The following CACNG2 variants were observed in gnomAD, a reference collection of about 807,000 sequenced individuals.
CACNG2 encodes the protein calcium voltage-gated channel auxiliary subunit gamma 2, also known as voltage-dependent calcium channel gamma-2 subunit.
A neutral mutation model predicts 25.9 loss-of-function variants in CACNG2; 3 were observed. The ratio of observed to expected loss-of-function variants is 0.12; its 90% CI spans 0.05 to 0.30. CACNG2 has a LOEUF of 0.30. Among genes scored for constraint, CACNG2 ranks in the 10% least tolerant of loss-of-function variants. CACNG2 has a pLI of 1.00. For missense variants in CACNG2, 341 were observed against 432.5 expected (o/e 0.79, Z 1.88); for synonymous variants, 167 against 173.3 (o/e 0.96, Z 0.29).
intron 1 of CACNG2, among the ~76,000 whole-genome samples, chr22:36,701,432 C>T (rs891143683): frequency 2.0e-5 from 3 of 152,218 alleles, no homozygotes; most frequent in African/African-American, 4.8e-5. Context: ...GCCTTTACAC[C>T]GTGGCGGCTC....
At chr22:36,585,690 AC>A (rs1372797862) in intron 2 of CACNG2, among the ~76,000 whole-genome samples, 2 of 152,190 alleles carry the variant, frequency 1.3e-5, no homozygotes, top group Non-Finnish European at 2.9e-5. Flanking sequence ...AAGTTTGCCG[AC>A]CCCTGCTACA....
chr22:36,591,180 GCGCCC>G (rs1382644837), intron 1 of CACNG2, among the ~76,000 whole-genome samples: 1 of 151,664 alleles, frequency 6.6e-6, no homozygotes, highest in Non-Finnish European at 1.5e-5. Context: ...GGAACTACAG[GCGCCC>G]GCCACTACGC....
intron 2 of CACNG2, among the ~76,000 whole-genome samples, chr22:36,573,339 T>C (rs899706458): frequency 2.6e-5 from 4 of 152,168 alleles, no homozygotes; most frequent in African/African-American, 9.7e-5. Context: ...ATTATTATTA[T>C]TATTTTTTTG....
chr22:36,647,596 CA>C (rs34930900), intron 1 of CACNG2, among the ~76,000 whole-genome samples: 1,566 of 149,392 alleles, frequency 0.01, 11 homozygotes, highest in Non-Finnish European at 0.016. Context: ...AACTCCATAT[CA>C]AAAAAAAAAT....
At chr22:36,632,012 T>C (rs1936280121) in intron 1 of CACNG2, among the ~76,000 whole-genome samples, 1 of 151,910 alleles carries the variant, frequency 6.6e-6, no homozygotes. Flanking sequence ...AGAAGTGGAG[T>C]AATGAAAGGA....
chr22:36,646,757 C>T (rs1601434306), intron 1 of CACNG2, among the ~76,000 whole-genome samples: 1 of 151,552 alleles, frequency 6.6e-6, no homozygotes. Flanking sequence ...GGGCTCCCCA[C>T]AACCCCACCC....
chr22:36,674,132 C>T (rs1936992298), intron 1 of CACNG2, among the ~76,000 whole-genome samples: 1 of 152,188 alleles, frequency 6.6e-6, no homozygotes, highest in African/African-American at 2.4e-5. Flanking sequence ...CTGAAGGCTG[C>T]AGGATGATGC....
chr22:36,658,570 T>A (rs182969254), intron 1 of CACNG2, among the ~76,000 whole-genome samples: 1 of 152,204 alleles, frequency 6.6e-6, no homozygotes, highest in East Asian at 1.9e-4. Context: ...AGTGTTGGGG[T>A]GGGATTTAAG....
At chr22:36,623,792 G>A (rs1020706769) in intron 1 of CACNG2, among the ~76,000 whole-genome samples, 1 of 152,050 alleles carries the variant, frequency 6.6e-6, no homozygotes, top group Non-Finnish European at 1.5e-5. Context: ...ACATTTGTGG[G>A]CCAGTGTGCA....
intron 1 of CACNG2, among the ~76,000 whole-genome samples, chr22:36,684,230 T>C (rs574546856): frequency 1.8e-3 from 274 of 152,340 alleles, no homozygotes; most frequent in Non-Finnish European, 3.3e-3. Flanking sequence ...TTTGAAGGCA[T>C]GTTAAAAATA....
intron 1 of CACNG2, among the ~76,000 whole-genome samples, chr22:36,627,329 G>A (rs1019143533): frequency 6.6e-6 from 1 of 151,302 alleles, no homozygotes; most frequent in Non-Finnish European, 1.5e-5. Context: ...TGTAGAGGGA[G>A]AGAAAATGAA....
chr22:36,619,879 C>T (rs1483648823), intron 1 of CACNG2, among the ~76,000 whole-genome samples: 3 of 152,242 alleles, frequency 2.0e-5, no homozygotes, highest in South Asian at 2.1e-4. Flanking sequence ...ATGCCACTCT[C>T]GTGGCAGCTG....
chr22:36,646,375 C>T (rs1936524542), intron 1 of CACNG2, among the ~76,000 whole-genome samples: 1 of 152,140 alleles, frequency 6.6e-6, no homozygotes, highest in Non-Finnish European at 1.5e-5. Context: ...GAACACAAGA[C>T]CTTGTCTGCG....
At chr22:36,654,966 G>C (rs1261274434) in intron 1 of CACNG2, among the ~76,000 whole-genome samples, 2 of 152,066 alleles carry the variant, frequency 1.3e-5, no homozygotes, top group Middle Eastern at 3.2e-3. Flanking sequence ...TTAAAAAAAA[G>C]GGAAAAGATG....
rs1408119673 is a variant in CACNG2 at position 36,606,118 on chromosome 22, T to G, written c.212-18570A>C. ...AGTACTTCAGCTCGTCCTTGAATTT[T>G]TATCAAGTGGTTACTAGGTGTTGGT... On this transcript the variant is annotated intron_variant, in intron 1 of 3. Transcript: ENST00000300105. The surrounding 1 kb of genome is among the most constrained non-coding windows in gnomAD (Gnocchi z 5.7). Among the ~76,000 whole-genome samples, 3 of 152,194 alleles carry G rather than the reference T, an allele frequency of 2.0e-5. No homozygotes were observed. Among genetic ancestry groups the G allele is most frequent in the African/African-American group, 7.2e-5 (3 of 41,448 alleles).
intron 3 of CACNG2, among the ~76,000 whole-genome samples, chr22:36,565,699 A>G (rs1302473383): frequency 2.0e-5 from 3 of 152,206 alleles, no homozygotes; most frequent in Non-Finnish European, 4.4e-5. Flanking sequence ...TGTGTTGCCC[A>G]GGCTGGTCTC....
At position 36,703,238 on chromosome 22, in the gene CACNG2, A is replaced by AGCAGCG; in HGVS notation, c.-663_-662insCGCTGC. ...TCGCTTTCCATGGTTTTGCCCGGGC[A>AGCAGCG]GCGGCGGCGGCGGCGGCGGCGGCGG... is the stretch of plus-strand genomic sequence containing the variant. On this transcript the variant is annotated 5_prime_UTR_variant, in exon 1 of 4. Coordinates refer to ENST00000300105, the MANE Select transcript of CACNG2 (RefSeq NM_006078.5). The AGCAGCG allele has an allele frequency of 1.9e-5, 3 of 154,310 alleles. No individual in the cohort carries two copies. The highest frequency in any genetic ancestry group is 4.1e-5 in the Non-Finnish European group (3 of 73,438). 9.6% of individuals were successfully genotyped at this position (154,310 alleles called of 1,614,324 possible).
intron 2 of CACNG2, among the ~76,000 whole-genome samples, chr22:36,577,764 TGTGA>T (rs1935348733): frequency 6.6e-6 from 1 of 151,794 alleles, no homozygotes; most frequent in Admixed American, 6.6e-5. Flanking sequence ...GTTCTGCAGA[TGTGA>T]GTGAGTACAA....
intron 1 of CACNG2, among the ~76,000 whole-genome samples, chr22:36,680,256 C>G (rs1937087172): frequency 6.6e-6 from 1 of 151,580 alleles, no homozygotes; most frequent in Admixed American, 6.6e-5. Flanking sequence ...TCACCATCAT[C>G]AACACCACCA....
Sources: gnomAD v4.1 joint callset for allele counts (sites outside exome capture counted in the v4.1 genomes callset) on GRCh38, gnomAD v4.1.1 for gene constraint, Gnocchi (gnomAD v3.1) non-coding constraint, MANE v1.5 for transcripts, NCBI Gene and HGNC (gene_info 2026-07-23, HGNC 2026-07-21) for gene names.